Variants in TMEM132D observed in about 807,000 individuals in gnomAD.
The protein encoded by TMEM132D is mature OL transmembrane protein.
In TMEM132D, 21 loss-of-function variants were observed where a neutral mutation model predicts 62.3. The observed-to-expected ratio is 0.34, with a 90% confidence interval of 0.24 to 0.49. The LOEUF (loss-of-function observed/expected upper bound fraction) is 0.49, where lower values mean the gene tolerates loss of function less well. Among genes scored for constraint, TMEM132D ranks in the 20% least tolerant of loss-of-function variants. The pLI, the probability that TMEM132D is intolerant of heterozygous loss-of-function variation, is 0.99. For synonymous variants in TMEM132D, 621 were observed against 575.6 expected (o/e 1.08, Z -1.13); for missense variants, 1,346 against 1,402.8 (o/e 0.96, Z 0.65).
chr12:129,121,022 T>C (rs1462485400), intron 5 of TMEM132D, among the ~76,000 whole-genome samples: 1 of 152,126 alleles, frequency 6.6e-6, no homozygotes, highest in African/African-American at 2.4e-5. Context: ...GTAGGTTACA[T>C]GGCCAAGGAG....
At chr12:129,751,270 G>A (rs1869992402) in intron 1 of TMEM132D, among the ~76,000 whole-genome samples, 1 of 152,154 alleles carries the variant, frequency 6.6e-6, no homozygotes, top group Admixed American at 6.5e-5. Flanking sequence ...GAGTAAGCTA[G>A]TCTTAACCAT....
At chr12:129,208,003 T>C (rs1878906974) in intron 5 of TMEM132D, among the ~76,000 whole-genome samples, 1 of 152,218 alleles carries the variant, frequency 6.6e-6, no homozygotes, top group Non-Finnish European at 1.5e-5. Context: ...TGAGGTCTTA[T>C]TTCTTCTTTC....
chr12:129,482,612 C>G (rs1160782776), intron 3 of TMEM132D, among the ~76,000 whole-genome samples: 2 of 152,134 alleles, frequency 1.3e-5, no homozygotes, highest in Non-Finnish European at 1.5e-5. Context: ...ATGTACTACT[C>G]TGGTAATTAA....
rs1283703161 is a variant in TMEM132D, at chr12:129,874,852, C to T, written c.79+28409G>A. ...AATAGCTGGGATTACAGGCGTGCGC[C>T]ACCACGCCCAGCTAATTTTGTATTT... is the stretch of plus-strand genomic sequence containing the variant. On this transcript the variant is annotated intron_variant, in intron 1 of 8. Coordinates refer to ENST00000422113, the MANE Select transcript of TMEM132D (RefSeq NM_133448.3). Among the ~76,000 whole-genome samples, 3 of 152,086 alleles carry T rather than the reference C, an allele frequency of 2.0e-5. No homozygotes were observed. In the East Asian group the frequency reaches 5.8e-4, roughly 29 times the overall value.
At chr12:129,248,692 C>T (rs1214283831) in intron 4 of TMEM132D, among the ~76,000 whole-genome samples, 2 of 152,016 alleles carry the variant, frequency 1.3e-5, no homozygotes, top group Non-Finnish European at 2.9e-5. Context: ...TTATTTTTCC[C>T]AATTTGCTCC....
intron 1 of TMEM132D, among the ~76,000 whole-genome samples, chr12:129,771,732 A>T (rs1421051025): frequency 6.6e-6 from 1 of 152,246 alleles, no homozygotes; most frequent in East Asian, 1.9e-4. Flanking sequence ...TAACAATGGG[A>T]CATTTACTAC....
At chr12:129,697,036 C>T (rs1291511223) in intron 2 of TMEM132D, among the ~76,000 whole-genome samples, 1 of 152,184 alleles carries the variant, frequency 6.6e-6, no homozygotes, top group Non-Finnish European at 1.5e-5. Flanking sequence ...GAAGCTAACT[C>T]CTGTGCTTCA....
intron 5 of TMEM132D, among the ~76,000 whole-genome samples, chr12:129,119,650 C>G (rs1411407115): frequency 2.6e-5 from 4 of 152,132 alleles, no homozygotes; most frequent in Admixed American, 2.0e-4. Flanking sequence ...CTAACTAGAG[C>G]TACAAACAAG....
chr12:129,154,125 G>T (rs896129297), intron 5 of TMEM132D, among the ~76,000 whole-genome samples: 1 of 152,126 alleles, frequency 6.6e-6, no homozygotes, highest in Non-Finnish European at 1.5e-5. Context: ...ATGGATGGTG[G>T]TCCCACAGAC....
Position 129,902,155 on chromosome 12 carries a change from C to T in TMEM132D, c.79+1106G>A, listed in dbSNP as rs535127126. Among the ~76,000 whole-genome samples the T allele has an allele frequency of 7.2e-5, 11 of 152,316 alleles. No homozygotes were observed. In the East Asian group the frequency reaches 2.1e-3, roughly 29 times the overall value. On this transcript the variant is annotated intron_variant, in intron 1 of 8. Coordinates refer to ENST00000422113, the MANE Select transcript of TMEM132D (RefSeq NM_133448.3). ...CATTTCAACTGTCTTCATCTATTAT[C>T]AGATCCAAAGCAACATAACCTCAGT...
At chr12:129,648,818 C>T (rs1033283608) in intron 2 of TMEM132D, among the ~76,000 whole-genome samples, 8 of 152,096 alleles carry the variant, frequency 5.3e-5, no homozygotes, top group Non-Finnish European at 1.2e-4. Context: ...TATGCATTTT[C>T]ACTCAAATAC....
chr12:129,235,145 C>T (rs1879744837), intron 4 of TMEM132D, among the ~76,000 whole-genome samples: 1 of 152,190 alleles, frequency 6.6e-6, no homozygotes, highest in South Asian at 2.1e-4. Flanking sequence ...GCTAGGCATT[C>T]CATAACTGCT....
chr12:129,428,237 G>A (rs1288109422), intron 3 of TMEM132D, among the ~76,000 whole-genome samples: 2 of 152,166 alleles, frequency 1.3e-5, no homozygotes, highest in African/African-American at 4.8e-5. Context: ...GTTTAAATGG[G>A]ATAATTCAGC....
At chr12:129,726,029 T>C (rs10773697) in intron 1 of TMEM132D, among the ~76,000 whole-genome samples, 124,165 of 152,122 alleles carry the variant, frequency 0.82, 51,360 homozygotes, top group Non-Finnish European at 0.9. Context: ...CACCAGTCCC[T>C]AGTAAAAACT....
chr12:129,599,197 A>G (rs934526080), intron 2 of TMEM132D, among the ~76,000 whole-genome samples: 2 of 152,218 alleles, frequency 1.3e-5, no homozygotes, highest in Non-Finnish European at 2.9e-5. Flanking sequence ...TGAAAGCAGC[A>G]CCACCTTTGG....
At chr12:129,350,920 G>A (rs1869842725) in intron 3 of TMEM132D, among the ~76,000 whole-genome samples, 1 of 152,208 alleles carries the variant, frequency 6.6e-6, no homozygotes, top group Non-Finnish European at 1.5e-5. Context: ...CATGACGAAT[G>A]AGGGCAAATG....
intron 2 of TMEM132D, among the ~76,000 whole-genome samples, chr12:129,579,180 G>A (rs1019917583): frequency 6.6e-6 from 1 of 152,178 alleles, no homozygotes; most frequent in Non-Finnish European, 1.5e-5. Context: ...TATCCTATTA[G>A]ATGCCTTTTG....
intron 3 of TMEM132D, among the ~76,000 whole-genome samples, chr12:129,445,602 T>G (rs1337037377): frequency 2.6e-5 from 4 of 152,074 alleles, no homozygotes; most frequent in Non-Finnish European, 5.9e-5. Context: ...TATAATCTCA[T>G]CCCATGAACC....
chr12:129,637,188 T>C (rs1879505730), intron 2 of TMEM132D, among the ~76,000 whole-genome samples: 2 of 152,216 alleles, frequency 1.3e-5, no homozygotes, highest in South Asian at 2.1e-4. Flanking sequence ...GTCAACCTTA[T>C]TGAAATAGAA....
Sources: allele counts gnomAD v4.1 joint callset (sites outside exome capture counted in the v4.1 genomes callset), GRCh38; gene constraint gnomAD v4.1.1; transcripts MANE v1.5; gene names NCBI Gene and HGNC (gene_info 2026-07-23, HGNC 2026-07-21).